ADAM2: variants seen among roughly 807,000 people sequenced by gnomAD.
ADAM2 encodes ADAM metallopeptidase domain 2.
Under a neutral mutation model 99.3 loss-of-function variants are expected in ADAM2, and 101 were observed. That is an observed-to-expected ratio of 1.02 (90% confidence interval 0.87 to 1.20). ADAM2 has a LOEUF of 1.20. ADAM2 is among the 50% of genes most tolerant of loss of function. The pLI is 0.00. For missense variants in ADAM2, 948 were observed against 878.7 expected (o/e 1.08, Z -1.00); for synonymous variants, 323 against 287.6 (o/e 1.12, Z -1.25).
intron 11 of ADAM2, among the ~76,000 whole-genome samples, chr8:39,775,171 G>A (rs1317861392): frequency 6.6e-6 from 1 of 152,148 alleles, no homozygotes; most frequent in African/African-American, 2.4e-5. Context: ...TAGAGAAGGA[G>A]TGCGTACATT....
intron 7 of ADAM2, among the ~76,000 whole-genome samples, chr8:39,805,486 C>A (rs937693523): frequency 9.2e-5 from 14 of 151,888 alleles, no homozygotes; most frequent in African/African-American, 3.4e-4. Flanking sequence ...TAAAACAAGA[C>A]AAAATTGTCA....
Position 39,808,848 on chromosome 8 carries a change from G to T in ADAM2, c.570+562C>A, listed in dbSNP as rs191325754. On this transcript the variant is annotated intron_variant, in intron 7 of 20. Transcript: ENST00000265708. ...GGAGAATCACTTGAACCCATGAAGC[G>T]GAGTTTGCAGTGAGCCGAGATCATG... 2.0e-5 allele frequency among the ~76,000 whole-genome samples: 3 copies of T among 152,206 alleles called. No homozygotes were observed. In the East Asian group the frequency reaches 5.8e-4, roughly 29 times the overall value.
intron 8 of ADAM2, 34 bp from the exon 9 acceptor site, chr8:39,788,285 AG>A: frequency 2.2e-6 from 3 of 1,368,530 alleles, no homozygotes; most frequent in Non-Finnish European, 2.9e-6. Context: ...TGTGCTCAAA[AG>A]TCACAGTTTT....
intron 3 of ADAM2, among the ~76,000 whole-genome samples, chr8:39,827,713 G>GT (rs1212248310): frequency 3.9e-5 from 6 of 152,092 alleles, no homozygotes; most frequent in Non-Finnish European, 8.8e-5. Context: ...TAGAATGATG[G>GT]TTTTTAGGGG....
chr8:39,767,355 T>A, intron 12 of ADAM2, 104 bp from the exon 13 acceptor site: 1 of 971,254 alleles, frequency 1.0e-6, no homozygotes, highest in Non-Finnish European at 1.6e-6. Flanking sequence ...CATAGGTGCT[T>A]AACTTACATG....
chr8:39,825,867 G>A (rs141833866), intron 3 of ADAM2, among the ~76,000 whole-genome samples: 14 of 152,096 alleles, frequency 9.2e-5, no homozygotes, highest in African/African-American at 3.4e-4. Context: ...TAAGAATATA[G>A]TTAAGTTGTT....
chr8:39,765,898 T>C (rs1199270331), intron 14 of ADAM2, among the ~76,000 whole-genome samples: 1 of 145,118 alleles, frequency 6.9e-6, no homozygotes, highest in Non-Finnish European at 1.5e-5. Context: ...ACCACCTATC[T>C]GTTTCTATGA....
chr8:39,821,687 C>T, intron 4 of ADAM2, 25 bp from the exon 5 acceptor site: 1 of 1,459,846 alleles, frequency 6.9e-7, no homozygotes, highest in Non-Finnish European at 9.6e-7. Flanking sequence ...ACACATATCT[C>T]CATTAGAATG....
At chr8:39,766,047 T>C (rs952513422) in intron 14 of ADAM2, among the ~76,000 whole-genome samples, 1 of 152,226 alleles carries the variant, frequency 6.6e-6, no homozygotes, top group African/African-American at 2.4e-5. Context: ...CTTTTTTGTT[T>C]TTAACGTCAG....
intron 3 of ADAM2, among the ~76,000 whole-genome samples, chr8:39,825,300 T>G (rs2129588579): frequency 6.6e-6 from 1 of 152,348 alleles, no homozygotes; most frequent in East Asian, 1.9e-4. Flanking sequence ...CATAGGATTT[T>G]TAAACCATAC....
intron 10 of ADAM2, among the ~76,000 whole-genome samples, chr8:39,786,480 A>G (rs984254424): frequency 6.6e-6 from 1 of 152,118 alleles, no homozygotes; most frequent in African/African-American, 2.4e-5. Context: ...CGGCAAAAAT[A>G]TATCAGTTTT....
chr8:39,767,032 T>G lies in ADAM2; in HGVS notation c.1323A>C (p.Lys441Asn). 4 of 1,613,776 alleles carry G rather than the reference T, an allele frequency of 2.5e-6. No individual in the cohort carries two copies. The highest frequency in any genetic ancestry group is 3.4e-6 in the Non-Finnish European group (4 of 1,179,702). Reference protein sequence around the residue: ...PCCENCLFMSKERMCRPSFEE... With the variant: ...PCCENCLFMSNERMCRPSFEE... Reference sequence around the variant, plus strand: ...CAAAGGAAGGCCTACACATTCTTTCTTTTGACATAAACTGATGGGATGAGG... The same window carrying G: ...CAAAGGAAGGCCTACACATTCTTTCGTTTGACATAAACTGATGGGATGAGG... The change falls in exon 14 of 21, where the codon AAA becomes AAC. Residue 441 changes from lysine (K) to asparagine (N), a missense_variant. Physicochemically the swap from Lys to Asn is moderately conservative, Grantham distance 94. Coordinates refer to ENST00000265708, the MANE Select transcript of ADAM2 (RefSeq NM_001464.5).
rs1232400894 is a variant in ADAM2 at position 39,749,756 on chromosome 8, G to A, written c.1798-12C>T. On this transcript the variant is annotated splice_polypyrimidine_tract_variant and intron_variant, in intron 16 of 20. Transcript: ENST00000265708. ...TGATTCCTGCAAACCTAAAAAGGAT[G>A]AGCAAAAATAAGTTAATTGACATGC... 6 of 1,607,976 alleles carry A rather than the reference G, an allele frequency of 3.7e-6. No homozygotes were observed. The highest frequency in any genetic ancestry group is 2.2e-5 in the East Asian group (1 of 44,750).
intron 3 of ADAM2, among the ~76,000 whole-genome samples, chr8:39,831,464 C>G (rs1398692165): frequency 1.3e-5 from 2 of 152,038 alleles, no homozygotes; most frequent in Non-Finnish European, 2.9e-5. Flanking sequence ...ACGAGCTCAT[C>G]AATGATAGTT....
intron 7 of ADAM2, among the ~76,000 whole-genome samples, chr8:39,794,960 T>C (rs1803877556): frequency 1.3e-5 from 2 of 152,106 alleles, no homozygotes; most frequent in Non-Finnish European, 2.9e-5. Flanking sequence ...AATAATTTCA[T>C]GTTATCTCTA....
chr8:39,821,739 A>G (rs1227018297), intron 4 of ADAM2, 77 bp from the exon 5 acceptor site: 2 of 1,037,202 alleles, frequency 1.9e-6, no homozygotes, highest in South Asian at 2.8e-5. Context: ...TAAAACATAT[A>G]TGTGTTTTGT....
intron 3 of ADAM2, among the ~76,000 whole-genome samples, chr8:39,831,289 A>G (rs756790125): frequency 1.1e-4 from 16 of 152,270 alleles, no homozygotes; most frequent in Admixed American, 2.0e-4. Context: ...ATGGATTCCA[A>G]GCAGCCCTAT....
intron 11 of ADAM2, among the ~76,000 whole-genome samples, chr8:39,774,929 A>G (rs555516526): frequency 6.6e-6 from 1 of 152,274 alleles, no homozygotes; most frequent in South Asian, 2.1e-4. Flanking sequence ...ACTCTAAAGC[A>G]TGAACTTGAT....
chr8:39,762,916 A>G (rs1056035252), intron 14 of ADAM2, among the ~76,000 whole-genome samples: 8 of 152,194 alleles, frequency 5.3e-5, no homozygotes, highest in East Asian at 1.9e-4. Flanking sequence ...TACATATCCA[A>G]TGGATTTTGT....
Sources: gnomAD v4.1 joint callset for allele counts (sites outside exome capture counted in the v4.1 genomes callset) on GRCh38, gnomAD v4.1.1 for gene constraint, MANE v1.5 for transcripts, NCBI Gene and HGNC (gene_info 2026-07-23, HGNC 2026-07-21) for gene names.